EPM2A: variants seen among roughly 807,000 people sequenced by gnomAD.
EPM2A encodes laforin.
A neutral mutation model predicts 26.5 loss-of-function variants in EPM2A; 21 were observed. The ratio of observed to expected loss-of-function variants is 0.79; its 90% CI spans 0.56 to 1.14. The LOEUF (loss-of-function observed/expected upper bound fraction) is 1.14. EPM2A is among the 50% of genes most tolerant of loss of function. The pLI is 0.00. For synonymous variants in EPM2A, 217 were observed against 177.6 expected (o/e 1.22, Z -1.76); for missense variants, 458 against 440.8 (o/e 1.04, Z -0.35).
At chr6:145,627,873 G>A in intron 3 of EPM2A, 180 bp from the exon 4 acceptor site, 1 of 834,884 alleles carries the variant, frequency 1.2e-6, no homozygotes, top group Non-Finnish European at 1.8e-6. Flanking sequence ...TCTGCTAATA[G>A]CAAAGTGGAA....
chr6:145,660,166 G>A (rs1199330859), intron 2 of EPM2A, among the ~76,000 whole-genome samples: 1 of 151,956 alleles, frequency 6.6e-6, no homozygotes, highest in Non-Finnish European at 1.5e-5. Flanking sequence ...AAGAGACTAG[G>A]CCTTGCTTAA....
intron 2 of EPM2A, among the ~76,000 whole-genome samples, chr6:145,593,516 G>A (rs1016328532): frequency 2.0e-5 from 3 of 151,992 alleles, no homozygotes; most frequent in African/African-American, 7.2e-5. Flanking sequence ...CACCATGACA[G>A]ATCATGTTCC....
In EPM2A at chr6:145,709,831, A is replaced by C. The variant is rs191825466; in HGVS notation, c.302-23535T>G. ...GCAGAGGCAGCAAGATAAAACTCAA[A>C]AAGATTGTGGGATTGACAAAAACAA... On this transcript the variant is annotated intron_variant, in intron 1 of 3. Coordinates refer to ENST00000367519, the MANE Select transcript of EPM2A (RefSeq NM_005670.4). 1.7e-4 allele frequency among the ~76,000 whole-genome samples: 26 copies of C among 152,326 alleles called. 1 individual carries two copies. Among genetic ancestry groups the C allele is most frequent in the Admixed American group, 1.6e-3 (25 of 15,302 alleles).
At chr6:145,589,589 G>A (rs1396893462) in intron 2 of EPM2A, among the ~76,000 whole-genome samples, 1 of 152,108 alleles carries the variant, frequency 6.6e-6, no homozygotes, top group Admixed American at 6.5e-5. Flanking sequence ...AGTTGAATTA[G>A]ATTTCATTTA....
chr6:145,538,825 T>C (rs1475673754), intron 2 of EPM2A, among the ~76,000 whole-genome samples: 1 of 152,234 alleles, frequency 6.6e-6, no homozygotes, highest in Non-Finnish European at 1.5e-5. Context: ...TTTGGAGTAA[T>C]TCACACAATC....
chr6:145,416,497 C>A (rs980187105), intron 4 of EPM2A, among the ~76,000 whole-genome samples: 2 of 151,902 alleles, frequency 1.3e-5, no homozygotes, highest in African/African-American at 2.4e-5. Flanking sequence ...TATTGAGCAA[C>A]AAGGGTGTCA....
intron 2 of EPM2A, among the ~76,000 whole-genome samples, chr6:145,669,661 T>C (rs702304): frequency 0.62 from 94,654 of 152,024 alleles, 29,848 homozygotes; most frequent in East Asian, 0.74. Flanking sequence ...GTTACTTAGA[T>C]TTCTTTCTGA....
At chr6:145,575,538 A>G (rs1275432005) in intron 2 of EPM2A, among the ~76,000 whole-genome samples, 2 of 152,180 alleles carry the variant, frequency 1.3e-5, no homozygotes, top group Non-Finnish European at 2.9e-5. Flanking sequence ...CGGGAGATAG[A>G]ATCCCCAAGT....
chr6:145,730,117 T>C (rs1248493753), intron 1 of EPM2A, among the ~76,000 whole-genome samples: 2 of 152,160 alleles, frequency 1.3e-5, no homozygotes, highest in African/African-American at 2.4e-5. Context: ...TCCCCAGCCA[T>C]GTTTCCTGTA....
chr6:145,583,863 C>T (rs948221102), intron 2 of EPM2A, among the ~76,000 whole-genome samples: 2 of 152,218 alleles, frequency 1.3e-5, no homozygotes, highest in East Asian at 1.9e-4. Context: ...GACATTAGTG[C>T]AGGCAGGAGC....
intron 2 of EPM2A, among the ~76,000 whole-genome samples, chr6:145,532,460 C>A (rs1412495183): frequency 6.6e-6 from 1 of 152,114 alleles, no homozygotes; most frequent in Non-Finnish European, 1.5e-5. Flanking sequence ...CTAAAACTAA[C>A]CTTTGATCAT....
intron 3 of EPM2A, 31 bp downstream of exon 3, chr6:145,635,214 A>G (rs746044424): frequency 3.2e-5 from 52 of 1,613,816 alleles, no homozygotes; most frequent in Non-Finnish European, 4.2e-5. Flanking sequence ...TCTGAAATAC[A>G]GCAAGGAGGC....
At chr6:145,460,043 A>G (rs1472338610) in intron 4 of EPM2A, among the ~76,000 whole-genome samples, 1 of 152,198 alleles carries the variant, frequency 6.6e-6, no homozygotes, top group Non-Finnish European at 1.5e-5. Context: ...CATTTATTCT[A>G]GTAACAAAAA....
chr6:145,571,744 C>T (rs1190862143), intron 2 of EPM2A, among the ~76,000 whole-genome samples: 1 of 152,218 alleles, frequency 6.6e-6, no homozygotes, highest in African/African-American at 2.4e-5. Flanking sequence ...GTTGCTGAGA[C>T]TATGCATTAC....
At chr6:145,452,794 G>A (rs6936829) in intron 4 of EPM2A, among the ~76,000 whole-genome samples, 14 of 152,022 alleles carry the variant, frequency 9.2e-5, no homozygotes, top group African/African-American at 3.1e-4. Flanking sequence ...TATTTTTGGT[G>A]AATCTCTAGG....
intron 2 of EPM2A, among the ~76,000 whole-genome samples, chr6:145,574,070 T>C (rs1367437116): frequency 6.6e-6 from 1 of 152,158 alleles, no homozygotes; most frequent in African/African-American, 2.4e-5. Context: ...GTTGGTAATG[T>C]AGTGGGATCC....
intron 4 of EPM2A, among the ~76,000 whole-genome samples, chr6:145,397,144 T>A (rs1457515359): frequency 2.6e-5 from 4 of 152,316 alleles, no homozygotes; most frequent in African/African-American, 9.6e-5. Context: ...TTTGAAATTG[T>A]TACTGGCTCG....
rs542785885 is a variant in EPM2A, at chr6:145,457,361, G to C, written c.555+45161C>G. Among the ~76,000 whole-genome samples, 9 of 151,844 alleles carry C rather than the reference G, an allele frequency of 5.9e-5. No homozygotes were observed. The East Asian group carries it at 1.7e-3, about 29-fold the overall frequency. On this transcript the variant is annotated intron_variant, in intron 4 of 4. Coordinates refer to the EPM2A transcript ENST00000638717. ...TAGCAGGGCATGGTGGTGGGTGCCT[G>C]TAGTCCCAGCTACTCGGGAGGCTGA...
chr6:145,558,574 C>A (rs1780762496), intron 2 of EPM2A, among the ~76,000 whole-genome samples: 1 of 152,054 alleles, frequency 6.6e-6, no homozygotes, highest in African/African-American at 2.4e-5. Context: ...CTTTTCCCTG[C>A]ACCCTCATGA....
Sources: allele counts gnomAD v4.1 joint callset (sites outside exome capture counted in the v4.1 genomes callset), GRCh38; gene constraint gnomAD v4.1.1; transcripts MANE v1.5; gene names NCBI Gene and HGNC (gene_info 2026-07-23, HGNC 2026-07-21).